The following CCT6A variants were observed in gnomAD, a reference collection of about 807,000 sequenced individuals.
CCT6A encodes the protein T-complex protein 1 subunit zeta.
Under a neutral mutation model 58.6 loss-of-function variants are expected in CCT6A, and 6 were observed. The observed-to-expected ratio is 0.10, with a 90% CI of 0.06 to 0.20. The LOEUF is 0.20. Ranked by LOEUF, CCT6A falls within the 10% of genes least tolerant of loss-of-function variation. The pLI is 1.00. For synonymous variants in CCT6A, 245 were observed against 227.8 expected, an observed-to-expected ratio of 1.08 and a Z score of -0.68; for missense variants, 516 against 648.8, an observed-to-expected ratio of 0.80 and a Z score of 2.22.
At chr7:56,057,178 T>C (rs1000246801) in intron 5 of CCT6A, among the ~76,000 whole-genome samples, 1 of 152,176 alleles carries the variant, frequency 6.6e-6, no homozygotes, top group African/African-American at 2.4e-5. Flanking sequence ...TTTAGTAATA[T>C]TTTCTCCTGA....
Position 56,058,820 on chromosome 7 carries a change from C to CAT in CCT6A, c.968+119_968+120dup. ...AGTTAATTGGCATTAACTATATTCA[C>CAT]ATTGTGCACCCCGTCAGCACTGTCC... On this transcript the variant is annotated intron_variant, in intron 8 of 13. Transcript: ENST00000275603. 3 of 630,640 alleles carry CAT rather than the reference C, an allele frequency of 4.8e-6. No individual in the cohort carries two copies. The South Asian group carries it at 6.2e-5, about 13-fold the overall frequency. The allele number at this position is 630,640 out of a possible 1,614,324, so 39.1% of individuals were successfully genotyped here. A position where few individuals can be genotyped will look rare whatever the true frequency, so the allele number is the denominator to read the frequency against.
intron 8 of CCT6A, chr7:56,059,004 C>T (rs1794373370): frequency 1.0e-5 from 2 of 198,282 alleles, no homozygotes; most frequent in African/African-American, 4.6e-5. Context: ...CAATAAAAAG[C>T]TTTTTTTAAA....
chr7:56,054,642 C>A, intron 3 of CCT6A, 139 bp downstream of exon 3: 1 of 751,152 alleles, frequency 1.3e-6, no homozygotes, highest in Non-Finnish European at 2.1e-6. Flanking sequence ...TTATCCTGGT[C>A]TAAAACAAAT....
At chr7:56,060,611 T>G in intron 10 of CCT6A, 195 bp downstream of exon 10, 1 of 928,926 alleles carries the variant, frequency 1.1e-6, no homozygotes, top group Non-Finnish European at 1.8e-6. Flanking sequence ...ATAAATGAAC[T>G]AATACTGATC....
At chr7:56,059,745 G>A in intron 9 of CCT6A, 105 bp downstream of exon 9, 1 of 647,336 alleles carries the variant, frequency 1.5e-6, no homozygotes, top group South Asian at 1.8e-5. Context: ...CTGGAGTGCA[G>A]TGGTGTGATC....
In CCT6A at chr7:56,056,305, T is replaced by A; in HGVS notation, c.511-6T>A. 1.4e-6 allele frequency: 2 copies of A among 1,447,680 alleles called. No homozygotes were observed. The highest frequency in any genetic ancestry group is 1.9e-6 in the Non-Finnish European group (2 of 1,028,148). 89.7% of individuals were successfully genotyped at this position (1,447,680 alleles called of 1,614,324 possible). A position where few individuals can be genotyped will look rare whatever the true frequency, so the allele number is the denominator to read the frequency against. ...TTACTTAACGGTTATGCTCCTCCAA[T>A]TGCAGGCTGTAGTGGACTCCATTTT... On this transcript the variant is annotated splice_region_variant and splice_polypyrimidine_tract_variant and intron_variant, in intron 4 of 13. Transcript: ENST00000275603.
At chr7:56,054,050 C>T (rs1297597666) in intron 2 of CCT6A, among the ~76,000 whole-genome samples, 4 of 152,200 alleles carry the variant, frequency 2.6e-5, no homozygotes, top group South Asian at 2.1e-4. Flanking sequence ...TAGAGCTCTA[C>T]ACTTGCCATA....
chr7:56,058,646 T>C lies in CCT6A; in HGVS notation c.912T>C (p.Ala304=), dbSNP rs775046778. The C allele has an allele frequency of 4.4e-6, 7 of 1,606,892 alleles. No individual in the cohort carries two copies. In the East Asian group the frequency reaches 8.9e-5, roughly 21 times the overall value. ...QKGIDPFSLD[A]LSKEGIVALR... ...GAATTGACCCCTTTTCCTTAGATGC[T>C]CTTTCAAAAGAAGGCATAGTTGCTC... is the stretch of plus-strand genomic sequence containing the variant. The change falls in exon 8 of 14, where the codon GCT becomes GCC. Residue 304 remains alanine (A), a synonymous_variant. Transcript: ENST00000275603.
intron 2 of CCT6A, 21 bp downstream of exon 2, chr7:56,052,506 G>A (rs1794160839): frequency 1.9e-6 from 3 of 1,591,274 alleles, no homozygotes; most frequent in Non-Finnish European, 2.6e-6. Context: ...CTCTGGGCTA[G>A]GTCAGAAAGG....
chr7:56,057,380 C>G (rs1462983876), intron 5 of CCT6A, among the ~76,000 whole-genome samples: 1 of 144,498 alleles, frequency 6.9e-6, no homozygotes, highest in African/African-American at 2.5e-5. Flanking sequence ...GTGTGTGTGT[C>G]TGTGTGGAGA....
intron 13 of CCT6A, 27 bp downstream of exon 13, chr7:56,062,782 CTGTT>C: frequency 6.5e-7 from 1 of 1,550,240 alleles, no homozygotes; most frequent in Non-Finnish European, 8.9e-7. Flanking sequence ...GAAAACTAAA[CTGTT>C]AGAGAATCAT....
chr7:56,058,159 T>C, intron 6 of CCT6A, 56 bp downstream of exon 6: 1 of 1,112,082 alleles, frequency 9.0e-7, no homozygotes, highest in South Asian at 1.3e-5. Flanking sequence ...TTAGGCGAGT[T>C]ACTTTTTTGT....
chr7:56,060,083 A>C (rs1311389892), intron 9 of CCT6A, 186 bp from the exon 10 acceptor site: 2 of 591,836 alleles, frequency 3.4e-6, no homozygotes, highest in East Asian at 5.6e-5. Context: ...TATGTGTAGT[A>C]ATGGGAAGCC....
In CCT6A at chr7:56,061,773, C is replaced by T. The variant is rs1407572912; in HGVS notation, c.1374C>T (p.Asp458=). ...TTCTTGCTCAGAACTCTGGTTTTGA[C>T]CTTCAGGAAACATTAGTTAAAATTC... ...PKVLAQNSGF[D]LQETLVKIQA... The change falls in exon 12 of 14, where the codon GAC becomes GAT. Residue 458 remains aspartate (D), a synonymous_variant. Transcript: ENST00000275603. 6.4e-7 allele frequency: 1 copy of T among 1,569,638 alleles called. No individual in the cohort carries two copies.
At chr7:56,059,321 C>A (rs1794382001) in intron 8 of CCT6A, among the ~76,000 whole-genome samples, 1 of 152,116 alleles carries the variant, frequency 6.6e-6, no homozygotes, top group Non-Finnish European at 1.5e-5. Context: ...TCTTGTCCAC[C>A]TTTTAGATTT....
At position 56,051,833 on chromosome 7, in the gene CCT6A, C is replaced by G. The variant is rs751637412; in HGVS notation, c.-16C>G. ...GGGCACTCAGCATCGTTTCCTTTTC[C>G]TCCGCTGGAGCAGCTATGGCGGCGG... is the stretch of plus-strand genomic sequence containing the variant. On this transcript the variant is annotated 5_prime_UTR_variant, in exon 1 of 14. Transcript: ENST00000275603. The G allele has an allele frequency of 4.5e-6, 7 of 1,553,274 alleles. No homozygotes were observed. In the African/African-American group the frequency reaches 8.3e-5, roughly 18 times the overall value.
In CCT6A at chr7:56,053,106, C is replaced by T. The variant is rs1418461760; in HGVS notation, c.201+621C>T. On this transcript the variant is annotated intron_variant, in intron 2 of 13. Transcript: ENST00000275603. ...CCAGCTGGGTTTTCTCTTTTTAAAA[C>T]AGCAGTTTCTCTGTTAGGTCTCATC... is the stretch of plus-strand genomic sequence containing the variant. Among the ~76,000 whole-genome samples, 10 of 152,130 alleles carry T rather than the reference C, an allele frequency of 6.6e-5. No individual in the cohort carries two copies. In the South Asian group the frequency reaches 2.1e-3, roughly 31 times the overall value.
At position 56,062,728 on chromosome 7, in the gene CCT6A, G is replaced by C; in HGVS notation, c.1496G>C (p.Cys499Ser). Residue 499 changes from cysteine to serine, a missense_variant, in exon 13 of 14, where the codon TGT (cysteine) becomes TCT (serine). Coordinates refer to ENST00000275603, the MANE Select transcript of CCT6A (RefSeq NM_001762.4). ...GAAGTAGGCGTATGGGATAACTATT[G>C]TGTAAAGAAACAGCTTCTTCACTCC... is the stretch of plus-strand genomic sequence containing the variant. ...AAEVGVWDNY[C>S]VKKQLLHSCT... The C allele has an allele frequency of 1.2e-6, 2 of 1,612,256 alleles. No homozygotes were observed. Among genetic ancestry groups the C allele is most frequent in the South Asian group, 1.1e-5 (1 of 90,578 alleles).
intron 3 of CCT6A, 92 bp from the exon 4 acceptor site, chr7:56,055,532 C>A: frequency 9.3e-7 from 1 of 1,071,200 alleles, no homozygotes; most frequent in Non-Finnish European, 1.4e-6. Context: ...GTATGATGAT[C>A]CAGAACACTC....
Sources: gnomAD v4.1 joint callset for allele counts (sites outside exome capture counted in the v4.1 genomes callset) on GRCh38, gnomAD v4.1.1 for gene constraint, MANE v1.5 for transcripts, NCBI Gene and HGNC (gene_info 2026-07-23, HGNC 2026-07-21) for gene names.